Variants in SUGCT observed in about 807,000 individuals in gnomAD.
SUGCT encodes the protein succinyl-CoA:glutarate-CoA transferase.
In SUGCT, 41 loss-of-function variants were observed where a neutral mutation model predicts 55.0. That is an observed-to-expected ratio of 0.74 (90% CI 0.58 to 0.97). The LOEUF (loss-of-function observed/expected upper bound fraction) is 0.97. SUGCT is among the 50% of genes least tolerant of loss of function. SUGCT has a pLI of 0.00. For synonymous variants in SUGCT, 187 were observed against 200.4 expected, an observed-to-expected ratio of 0.93 and a Z score of 0.56; for missense variants, 568 against 547.8, an observed-to-expected ratio of 1.04 and a Z score of -0.37.
intron 6 of SUGCT, among the ~76,000 whole-genome samples, chr7:40,237,358 C>A (rs1425886820): frequency 6.6e-6 from 1 of 151,894 alleles, no homozygotes; most frequent in Non-Finnish European, 1.5e-5. Flanking sequence ...GAAGGAGAAT[C>A]ACTTGAACCT....
the SUGCT span, among the ~76,000 whole-genome samples, chr7:40,998,504 G>A: frequency 6.6e-6 from 1 of 152,172 alleles, no homozygotes; most frequent in South Asian, 2.1e-4. Flanking sequence ...TAGCTACAAA[G>A]GTTTGTCTTA....
intron 3 of SUGCT, among the ~76,000 whole-genome samples, chr7:40,187,720 G>A (rs1020476811): frequency 6.6e-6 from 1 of 152,104 alleles, no homozygotes; most frequent in South Asian, 2.1e-4. Context: ...TCAGGATTGA[G>A]GTCAGGAGTT....
chr7:40,485,684 C>T (rs139276804), intron 11 of SUGCT, among the ~76,000 whole-genome samples: 13 of 152,066 alleles, frequency 8.5e-5, no homozygotes, highest in African/African-American at 3.1e-4. Flanking sequence ...CCCAAAGTGC[C>T]AGAATTACAG....
chr7:40,786,212 A>G (rs1790004588), intron 13 of SUGCT, among the ~76,000 whole-genome samples: 1 of 152,214 alleles, frequency 6.6e-6, no homozygotes, highest in Non-Finnish European at 1.5e-5. Flanking sequence ...TGAGCATGTG[A>G]TTTCAGACAT....
At chr7:40,202,773 C>G (rs967093686) in intron 6 of SUGCT, among the ~76,000 whole-genome samples, 4 of 152,176 alleles carry the variant, frequency 2.6e-5, no homozygotes, top group African/African-American at 9.7e-5. Flanking sequence ...TGTCTATACA[C>G]AGAGTCTATC....
intron 9 of SUGCT, among the ~76,000 whole-genome samples, chr7:40,367,002 G>C (rs993446954): frequency 7.2e-5 from 11 of 152,066 alleles, no homozygotes; most frequent in African/African-American, 2.2e-4. Context: ...GTAGCAAAGA[G>C]TTGGAACCAA....
chr7:40,604,418 A>G (rs1265603214), intron 12 of SUGCT, among the ~76,000 whole-genome samples: 1 of 152,158 alleles, frequency 6.6e-6, no homozygotes, highest in African/African-American at 2.4e-5. Flanking sequence ...CAACAGAAGC[A>G]TCTGTTTTTA....
chr7:40,711,680 A>C (rs552274953), intron 12 of SUGCT, among the ~76,000 whole-genome samples: 12 of 152,320 alleles, frequency 7.9e-5, no homozygotes, highest in Middle Eastern at 3.4e-3. Context: ...TGCTGCCCGC[A>C]GAGTTCGCTG....
At chr7:40,388,900 T>A (rs578099349) in intron 9 of SUGCT, among the ~76,000 whole-genome samples, 1 of 152,302 alleles carries the variant, frequency 6.6e-6, no homozygotes, top group African/African-American at 2.4e-5. Context: ...CCATGGTTCA[T>A]AATATTCATG....
At chr7:40,346,390 T>C (rs182066532) in intron 9 of SUGCT, among the ~76,000 whole-genome samples, 16 of 152,296 alleles carry the variant, frequency 1.1e-4, no homozygotes, top group Middle Eastern at 3.4e-3. Flanking sequence ...TTATATTCAT[T>C]ATTATTTTCT....
chr7:40,296,475 T>G (rs1399084100), intron 8 of SUGCT, among the ~76,000 whole-genome samples: 2 of 152,172 alleles, frequency 1.3e-5, no homozygotes, highest in African/African-American at 4.8e-5. Context: ...TGTTACTTGT[T>G]GTCAAGTACA....
At chr7:40,536,582 G>A (rs910117010) in intron 12 of SUGCT, among the ~76,000 whole-genome samples, 2 of 152,214 alleles carry the variant, frequency 1.3e-5, no homozygotes, top group Non-Finnish European at 2.9e-5. Flanking sequence ...GTAGTTAGCT[G>A]TGTGGCGTTG....
chr7:40,512,424 C>T (rs10254954), intron 12 of SUGCT, among the ~76,000 whole-genome samples: 32,119 of 152,052 alleles, frequency 0.21, 6,052 homozygotes, highest in African/African-American at 0.51. Flanking sequence ...TCTAGAACCA[C>T]AGAATACTTT....
chr7:40,915,142 A>G, the SUGCT span, among the ~76,000 whole-genome samples: 1 of 152,176 alleles, frequency 6.6e-6, no homozygotes, highest in African/African-American at 2.4e-5. Flanking sequence ...AATGACCCAC[A>G]TTCTTAAGGT....
chr7:40,327,988 GTA>G (rs972809886), intron 9 of SUGCT, among the ~76,000 whole-genome samples: 1 of 152,166 alleles, frequency 6.6e-6, no homozygotes, highest in African/African-American at 2.4e-5. Flanking sequence ...CAAGTCCATG[GTA>G]TAACTGGGAT....
At chr7:40,192,702 G>A (rs766266699) in intron 5 of SUGCT, among the ~76,000 whole-genome samples, 41 of 148,516 alleles carry the variant, frequency 2.8e-4, no homozygotes, top group Non-Finnish European at 4.9e-4. Flanking sequence ...TGCGATCTCG[G>A]CTCACTCCAA....
intron 12 of SUGCT, among the ~76,000 whole-genome samples, chr7:40,705,071 A>G (rs1785334689): frequency 6.6e-6 from 1 of 152,152 alleles, no homozygotes; most frequent in African/African-American, 2.4e-5. Flanking sequence ...ATAGTCGTTT[A>G]TCAGTTCTTT....
intron 12 of SUGCT, among the ~76,000 whole-genome samples, chr7:40,500,961 C>T (rs1437237723): frequency 6.6e-6 from 1 of 151,996 alleles, no homozygotes; most frequent in African/African-American, 2.4e-5. Context: ...TTTCAAATGA[C>T]ATTAGTTAAT....
intron 13 of SUGCT, among the ~76,000 whole-genome samples, chr7:40,794,718 T>A (rs911244080): frequency 2.6e-5 from 4 of 152,286 alleles, no homozygotes; most frequent in African/African-American, 9.6e-5. Context: ...AGATTTTTTA[T>A]TTATTTTTTA....
Sources: gnomAD v4.1 joint callset for allele counts (sites outside exome capture counted in the v4.1 genomes callset) on GRCh38, gnomAD v4.1.1 for gene constraint, MANE v1.5 for transcripts, NCBI Gene and HGNC (gene_info 2026-07-23, HGNC 2026-07-21) for gene names.